The following SLC60A2 variants were observed in gnomAD, a reference collection of about 807,000 sequenced individuals.
SLC60A2 encodes the protein solute carrier family 60 member 2.
chr6:111,263,963 A>T, the SLC60A2 span: 1 of 1,302,120 alleles, frequency 7.7e-7, no homozygotes. Flanking sequence ...GAGCTCTTCA[A>T]CGTCATCTCT....
chr6:111,266,414 G>C, the SLC60A2 span: 1 of 1,614,186 alleles, frequency 6.2e-7, no homozygotes, highest in Non-Finnish European at 8.5e-7. Flanking sequence ...GCAGGGGCCT[G>C]GCAATCTTTT....
chr6:111,265,500 C>A, the SLC60A2 span: 1 of 434,426 alleles, frequency 2.3e-6, no homozygotes, highest in Non-Finnish European at 3.1e-6. Flanking sequence ...AATTTGGCTA[C>A]TATCTGATGA....
chr6:111,277,307 G>A, the SLC60A2 span, among the ~76,000 whole-genome samples: 38 of 152,318 alleles, frequency 2.5e-4, no homozygotes, highest in Admixed American at 2.3e-3. Flanking sequence ...GACTTTTTTG[G>A]AAGAGCGTGT....
At chr6:111,273,193 C>G in the SLC60A2 span, among the ~76,000 whole-genome samples, 211 of 152,328 alleles carry the variant, frequency 1.4e-3, no homozygotes, top group African/African-American at 4.9e-3. Context: ...CTCTGTTGCT[C>G]AGGCTGGAGT....
At chr6:111,270,697 CGGGCGG>C in the SLC60A2 span, 1 of 152,118 alleles carries the variant, frequency 6.6e-6, no homozygotes, top group African/African-American at 2.4e-5. Flanking sequence ...AAAAATTAGC[CGGGCGG>C]GCGTGGTGGC....
chr6:111,272,012 C>T, the SLC60A2 span, among the ~76,000 whole-genome samples: 1 of 152,020 alleles, frequency 6.6e-6, no homozygotes, highest in Non-Finnish European at 1.5e-5. Context: ...GGCAATGTGT[C>T]ACTCAGTCCC....
chr6:111,266,602 A>G, the SLC60A2 span: 1 of 1,614,242 alleles, frequency 6.2e-7, no homozygotes, highest in Non-Finnish European at 8.5e-7. Flanking sequence ...ATTGAGCAGT[A>G]CACGACCATC....
the SLC60A2 span, among the ~76,000 whole-genome samples, chr6:111,273,806 G>C: frequency 6.6e-6 from 1 of 152,076 alleles, no homozygotes; most frequent in African/African-American, 2.4e-5. Flanking sequence ...GCTCACTGTA[G>C]TTTTGACCTC....
the SLC60A2 span, among the ~76,000 whole-genome samples, chr6:111,275,710 CT>C: frequency 6.6e-6 from 1 of 152,090 alleles, no homozygotes; most frequent in African/African-American, 2.4e-5. Flanking sequence ...GCCCGGTCAG[CT>C]CAGAACAACT....
the SLC60A2 span, chr6:111,278,748 A>G: frequency 6.6e-6 from 1 of 152,240 alleles, no homozygotes; most frequent in Admixed American, 6.5e-5. Flanking sequence ...TAAATTACCT[A>G]ATCTCAGGTC....
the SLC60A2 span, among the ~76,000 whole-genome samples, chr6:111,265,712 A>AT: frequency 2.0e-5 from 3 of 152,114 alleles, no homozygotes; most frequent in African/African-American, 7.2e-5. Flanking sequence ...GTGGGTTAGA[A>AT]TTCCTTTCTC....
the SLC60A2 span, among the ~76,000 whole-genome samples, chr6:111,264,121 G>T: frequency 1.3e-5 from 2 of 152,178 alleles, no homozygotes; most frequent in Non-Finnish European, 2.9e-5. Context: ...CAATTAGGGG[G>T]CCTGTTTCTG....
the SLC60A2 span, among the ~76,000 whole-genome samples, chr6:111,274,670 G>A: frequency 2.6e-5 from 4 of 152,034 alleles, no homozygotes; most frequent in Non-Finnish European, 5.9e-5. Flanking sequence ...CCTCCTTTGT[G>A]TATCTATAAC....
chr6:111,262,568 C>T, the SLC60A2 span: 2 of 720,656 alleles, frequency 2.8e-6, no homozygotes, highest in Non-Finnish European at 2.4e-6. Context: ...AGTTGAGTTT[C>T]CCTGGTACCT....
At chr6:111,268,060 T>C in the SLC60A2 span, 2 of 152,346 alleles carry the variant, frequency 1.3e-5, no homozygotes, top group African/African-American at 2.4e-5. Context: ...GATTTCCAAA[T>C]TGGGAATCTG....
the SLC60A2 span, chr6:111,259,746 A>G: frequency 3.2e-6 from 5 of 1,573,292 alleles, no homozygotes; most frequent in African/African-American, 2.7e-5. Flanking sequence ...CGGGGCTGCA[A>G]CACTCCCAGG....
chr6:111,276,790 C>G, the SLC60A2 span, among the ~76,000 whole-genome samples: 2 of 152,238 alleles, frequency 1.3e-5, no homozygotes, highest in African/African-American at 4.8e-5. Flanking sequence ...CTCTGCCTCT[C>G]TCACAGCAGT....
chr6:111,263,117 T>C, the SLC60A2 span, among the ~76,000 whole-genome samples: 2 of 151,952 alleles, frequency 1.3e-5, no homozygotes, highest in Admixed American at 6.5e-5. Flanking sequence ...TTTGTGTTTT[T>C]AGTAGAGCCG....
chr6:111,264,097 G>A, the SLC60A2 span: 4 of 530,168 alleles, frequency 7.5e-6, no homozygotes, highest in Admixed American at 1.2e-4. Context: ...CACCCTTCTA[G>A]CAGCTATTCT....
Sources: gnomAD v4.1 joint callset for allele counts (sites outside exome capture counted in the v4.1 genomes callset) on GRCh38, gnomAD v4.1.1 for gene constraint, MANE v1.5 for transcripts, NCBI Gene and HGNC (gene_info 2026-07-23, HGNC 2026-07-21) for gene names.